SDCCAG8: variants seen among roughly 807,000 people sequenced by gnomAD.
SDCCAG8 encodes the protein serologically defined colon cancer antigen 8.
A neutral mutation model predicts 101.8 loss-of-function variants in SDCCAG8; 74 were observed. The ratio of observed to expected loss-of-function variants is 0.73; its 90% CI spans 0.60 to 0.88. The LOEUF is 0.88. Ranked by LOEUF, SDCCAG8 falls within the 40% of genes least tolerant of loss-of-function variation. The pLI, the probability that SDCCAG8 is intolerant of heterozygous loss-of-function variation, is 0.00. For synonymous variants in SDCCAG8, 281 were observed against 292.9 expected, an observed-to-expected ratio of 0.96 and a Z score of 0.41; for missense variants, 787 against 822.6, an observed-to-expected ratio of 0.96 and a Z score of 0.53.
At chr1:243,324,634 C>G (rs1035235590) in intron 9 of SDCCAG8, among the ~76,000 whole-genome samples, 1 of 151,858 alleles carries the variant, frequency 6.6e-6, no homozygotes, top group Admixed American at 6.6e-5. Flanking sequence ...GTATACTTCA[C>G]GTATTCTTAT....
Position 243,356,772 on chromosome 1 carries a change from C to A in SDCCAG8, c.1473+12441C>A, listed in dbSNP as rs368600178. 3.3e-5 allele frequency among the ~76,000 whole-genome samples: 5 copies of A among 151,882 alleles called. No individual in the cohort carries two copies. In the East Asian group the frequency reaches 9.7e-4, roughly 29 times the overall value. On this transcript the variant is annotated intron_variant, in intron 12 of 17. Coordinates refer to ENST00000366541, the MANE Select transcript of SDCCAG8 (RefSeq NM_006642.5). ...GTCCCAAAGCAGGAGAATCGTTGAG[C>A]CCAGGAGTTTGAGACCAGCCTAGCC... is the stretch of plus-strand genomic sequence containing the variant.
rs186325668 is a variant in SDCCAG8 at position 243,283,422 on chromosome 1, T to A, written c.421-2850T>A. ...TTATTTATATATATATATATACATG[T>A]ATATATATATATTTATTACACAATT... On this transcript the variant is annotated intron_variant, in intron 4 of 17. Transcript: ENST00000366541. Among the ~76,000 whole-genome samples the A allele has an allele frequency of 3.8e-3, 520 of 137,040 alleles. 3 individuals carry two copies. The highest frequency in any genetic ancestry group is 0.017 in the African/African-American group (508 of 29,900). The allele number at this position is 137,040 out of a possible 152,430, so 89.9% of individuals were successfully genotyped here.
Position 243,271,064 on chromosome 1 carries a change from G to GT in SDCCAG8, c.306+2dup. ...AAGAAGAAGAAAAATGTCCCCCTTG[G>GT]TAAGTATCAACTTTTCCAAGTTGAC... On this transcript the variant is annotated splice_donor_variant, in intron 3 of 17. Coordinates refer to ENST00000366541, the MANE Select transcript of SDCCAG8 (RefSeq NM_006642.5). LOFTEE classifies it high-confidence loss of function. The GT allele has an allele frequency of 6.3e-7, 1 of 1,599,230 alleles. No individual in the cohort carries two copies. The highest frequency in any genetic ancestry group is 8.6e-7 in the Non-Finnish European group (1 of 1,166,664).
chr1:243,384,678 C>G lies in SDCCAG8; in HGVS notation c.1616+5815C>G, dbSNP rs374467132. Among the ~76,000 whole-genome samples the G allele has an allele frequency of 3.9e-5, 6 of 152,074 alleles. No homozygotes were observed. In the East Asian group the frequency reaches 7.7e-4, roughly 20 times the overall value. ...ACAGTGGAAGCCATGTACTGTGGTG[C>G]ACACCTGCAGTCCCAGAAACTTGGG... On this transcript the variant is annotated intron_variant, in intron 13 of 17. Transcript: ENST00000366541.
At chr1:243,284,578 AGAGGAAGCCGGAGGCCC>A (rs2069404960) in intron 4 of SDCCAG8, among the ~76,000 whole-genome samples, 1 of 152,158 alleles carries the variant, frequency 6.6e-6, no homozygotes, top group Non-Finnish European at 1.5e-5. Flanking sequence ...CGAGATAGCT[AGAGGAAGCCGGAGGCCC>A]CCTCTCCCAC....
chr1:243,395,003 C>T (rs941381597), intron 13 of SDCCAG8, among the ~76,000 whole-genome samples: 6 of 152,110 alleles, frequency 3.9e-5, no homozygotes, highest in African/African-American at 1.4e-4. Flanking sequence ...CTGAATTAGT[C>T]CATTTATAAA....
intron 16 of SDCCAG8, among the ~76,000 whole-genome samples, chr1:243,487,572 G>A (rs994056453): frequency 6.6e-6 from 1 of 152,246 alleles, no homozygotes; most frequent in African/African-American, 2.4e-5. Flanking sequence ...CCTGGAGGCA[G>A]GGCAGGGCCT....
At chr1:243,356,387 T>A (rs1432877780) in intron 12 of SDCCAG8, among the ~76,000 whole-genome samples, 1 of 98,498 alleles carries the variant, frequency 1.0e-5, no homozygotes, top group Admixed American at 1.7e-4. Flanking sequence ...TATCTTTAGT[T>A]ATAAAAACAA....
chr1:243,302,343 G>T (rs1160588630), intron 6 of SDCCAG8, among the ~76,000 whole-genome samples: 1 of 138,906 alleles, frequency 7.2e-6, no homozygotes, highest in African/African-American at 2.6e-5. Context: ...GCTCTACTCT[G>T]GGGGAAAAAA....
At chr1:243,289,522 C>T (rs1184911392) in intron 5 of SDCCAG8, among the ~76,000 whole-genome samples, 1 of 152,200 alleles carries the variant, frequency 6.6e-6, no homozygotes, top group Non-Finnish European at 1.5e-5. Flanking sequence ...TTGATGACTA[C>T]ATGGTTATAA....
intron 13 of SDCCAG8, among the ~76,000 whole-genome samples, chr1:243,405,622 G>A (rs1337047995): frequency 6.6e-6 from 1 of 152,060 alleles, no homozygotes; most frequent in African/African-American, 2.4e-5. Context: ...ATTGTATTTG[G>A]TATAGTTTGC....
chr1:243,315,164 C>G lies in SDCCAG8; in HGVS notation c.930-1591C>G, dbSNP rs191762727. 2.0e-5 allele frequency among the ~76,000 whole-genome samples: 3 copies of G among 152,306 alleles called. No homozygotes were observed. In the East Asian group the frequency reaches 5.8e-4, roughly 29 times the overall value. On this transcript the variant is annotated intron_variant, in intron 8 of 17. Coordinates refer to ENST00000366541, the MANE Select transcript of SDCCAG8 (RefSeq NM_006642.5). Reference sequence around the variant, plus strand: ...TAAGATGCCTATATTGACTTGCTGTCCTTAAAGAGTGAATTTTTCTTTTCT... The same window carrying G: ...TAAGATGCCTATATTGACTTGCTGTGCTTAAAGAGTGAATTTTTCTTTTCT...
chr1:243,300,857 G>A (rs376518034), intron 6 of SDCCAG8, among the ~76,000 whole-genome samples: 10 of 151,992 alleles, frequency 6.6e-5, no homozygotes, highest in African/African-American at 2.2e-4. Flanking sequence ...GTATTGTGTG[G>A]GTTCACTTAT....
At position 243,292,391 on chromosome 1, in the gene SDCCAG8, C is replaced by T. The variant is rs529936736; in HGVS notation, c.547-700C>T. ...CTTAGAAGCACTTGTGTCAGAAACC[C>T]GGGACTAAGACCAAATATTTTAACG... On this transcript the variant is annotated intron_variant, in intron 5 of 17. Coordinates refer to ENST00000366541, the MANE Select transcript of SDCCAG8 (RefSeq NM_006642.5). Among the ~76,000 whole-genome samples the T allele has an allele frequency of 5.3e-5, 8 of 152,112 alleles. No homozygotes were observed. In the East Asian group the frequency reaches 5.8e-4, roughly 11 times the overall value.
chr1:243,328,467 G>A (rs2074368003), intron 9 of SDCCAG8, among the ~76,000 whole-genome samples: 1 of 151,952 alleles, frequency 6.6e-6, no homozygotes, highest in Non-Finnish European at 1.5e-5. Flanking sequence ...TAGTAGGACG[G>A]GGTTTCACCA....
intron 8 of SDCCAG8, 68 bp from the exon 9 acceptor site, chr1:243,316,687 C>T: frequency 6.3e-7 from 1 of 1,592,962 alleles, no homozygotes; most frequent in Non-Finnish European, 8.6e-7. Flanking sequence ...ATGCTTTTCT[C>T]TCCCTGACTT....
intron 16 of SDCCAG8, among the ~76,000 whole-genome samples, chr1:243,440,402 C>T (rs2082455747): frequency 6.6e-6 from 1 of 152,136 alleles, no homozygotes; most frequent in Non-Finnish European, 1.5e-5. Flanking sequence ...CTGCTTTTGT[C>T]TCAGGAAACA....
At chr1:243,323,075 C>T (rs1022415457) in intron 9 of SDCCAG8, among the ~76,000 whole-genome samples, 2 of 151,240 alleles carry the variant, frequency 1.3e-5, no homozygotes, top group African/African-American at 2.4e-5. Context: ...GCAGAGGTTG[C>T]AGTGAGCTGA....
At chr1:243,475,135 G>T (rs917249135) in intron 16 of SDCCAG8, among the ~76,000 whole-genome samples, 6 of 152,096 alleles carry the variant, frequency 3.9e-5, no homozygotes, top group Non-Finnish European at 8.8e-5. Flanking sequence ...TCCCGGACAC[G>T]CACAGGCCCT....
Sources: allele counts gnomAD v4.1 joint callset (sites outside exome capture counted in the v4.1 genomes callset), GRCh38; gene constraint gnomAD v4.1.1; transcripts MANE v1.5; gene names NCBI Gene and HGNC (gene_info 2026-07-23, HGNC 2026-07-21).